The following ZMAT4 variants were observed in gnomAD, a reference collection of about 807,000 sequenced individuals.
ZMAT4 encodes zinc finger matrin-type 4.
A neutral mutation model predicts 28.7 loss-of-function variants in ZMAT4; 17 were observed. That is an observed-to-expected ratio of 0.59 (90% CI 0.41 to 0.89). The LOEUF is 0.89. Ranked by LOEUF, ZMAT4 falls within the 40% of genes least tolerant of loss-of-function variation. The probability of loss-of-function intolerance (pLI) is 0.00; values close to 1 mark genes in which losing one functional copy is unlikely to be tolerated. For synonymous variants in ZMAT4, 117 were observed against 109.2 expected (o/e 1.07, Z -0.44); for missense variants, 240 against 283.8 (o/e 0.85, Z 1.11).
intron 4 of ZMAT4, among the ~76,000 whole-genome samples, chr8:40,680,261 C>A (rs965530396): frequency 6.6e-6 from 1 of 152,102 alleles, no homozygotes; most frequent in Non-Finnish European, 1.5e-5. Context: ...GCATCCAAAC[C>A]CTAACTCCAG....
chr8:40,808,859 A>AAC (rs1471731641), intron 2 of ZMAT4, among the ~76,000 whole-genome samples: 1 of 151,962 alleles, frequency 6.6e-6, no homozygotes, highest in Non-Finnish European at 1.5e-5. Flanking sequence ...TTAAAAAAAA[A>AAC]AAAAAACTAT....
intron 1 of ZMAT4, among the ~76,000 whole-genome samples, chr8:40,881,654 C>T (rs1818278692): frequency 6.6e-6 from 1 of 151,922 alleles, no homozygotes; most frequent in South Asian, 2.1e-4. Flanking sequence ...CTTGTCAAAG[C>T]AGCAATACTT....
chr8:40,852,144 C>A (rs1269995922), intron 1 of ZMAT4, among the ~76,000 whole-genome samples: 1 of 152,096 alleles, frequency 6.6e-6, no homozygotes, highest in Non-Finnish European at 1.5e-5. Context: ...CCTTGGCCTC[C>A]CAAAATGCTG....
chr8:40,784,634 T>C (rs1480547618), intron 2 of ZMAT4, among the ~76,000 whole-genome samples: 2 of 152,116 alleles, frequency 1.3e-5, no homozygotes, highest in East Asian at 3.9e-4. Context: ...ATAACAAACA[T>C]TTATCCAGAA....
chr8:40,840,611 G>C (rs1286924946), intron 1 of ZMAT4, among the ~76,000 whole-genome samples: 1 of 152,174 alleles, frequency 6.6e-6, no homozygotes, highest in Non-Finnish European at 1.5e-5. Flanking sequence ...GTTAGTCAGA[G>C]AGCAGATCCA....
At chr8:40,732,493 G>A (rs1220966471) in intron 3 of ZMAT4, among the ~76,000 whole-genome samples, 1 of 152,254 alleles carries the variant, frequency 6.6e-6, no homozygotes, top group African/African-American at 2.4e-5. Flanking sequence ...GCAGTGAGCA[G>A]GGCCCAAGCC....
chr8:40,739,891 C>T (rs1301244899), intron 3 of ZMAT4, among the ~76,000 whole-genome samples: 4 of 152,234 alleles, frequency 2.6e-5, no homozygotes, highest in Admixed American at 6.5e-5. Flanking sequence ...TGAGAACATG[C>T]GGTGTTTGGT....
chr8:40,615,898 A>C (rs962055300), intron 5 of ZMAT4, among the ~76,000 whole-genome samples: 1 of 152,174 alleles, frequency 6.6e-6, no homozygotes, highest in Non-Finnish European at 1.5e-5. Flanking sequence ...GATCTAATTA[A>C]ACTAAAGAGC....
At chr8:40,613,856 C>G (rs1193853810) in intron 5 of ZMAT4, among the ~76,000 whole-genome samples, 2 of 152,304 alleles carry the variant, frequency 1.3e-5, no homozygotes, top group African/African-American at 4.8e-5. Context: ...ATGACTCAAG[C>G]TGGAAGTGTG....
chr8:40,753,076 G>A (rs1382615292), intron 3 of ZMAT4, among the ~76,000 whole-genome samples: 11 of 1,242 alleles, frequency 8.9e-3, no homozygotes, highest in African/African-American at 0.014. Flanking sequence ...CCCGGTGTGT[G>A]GTGTGTGACT....
intron 6 of ZMAT4, among the ~76,000 whole-genome samples, chr8:40,536,580 G>A (rs1337376395): frequency 6.6e-6 from 1 of 152,102 alleles, no homozygotes; most frequent in Non-Finnish European, 1.5e-5. Context: ...ATCAGGTGAG[G>A]CTCCTCTACG....
intron 5 of ZMAT4, among the ~76,000 whole-genome samples, chr8:40,621,393 T>C (rs907023615): frequency 3.9e-5 from 6 of 152,144 alleles, no homozygotes; most frequent in Non-Finnish European, 7.4e-5. Context: ...AGGAAATGAC[T>C]GAGAGTAGGA....
chr8:40,601,616 AAGAAAGAAAGAAAGAAAGAG>A (rs1563360654), intron 5 of ZMAT4, among the ~76,000 whole-genome samples: 2 of 27,064 alleles, frequency 7.4e-5, no homozygotes, highest in Non-Finnish European at 2.0e-4. Flanking sequence ...GAAAGAAAGA[AAGAAAGAAAGAAAGAAAGAG>A]AAAGAAAGAA....
intron 3 of ZMAT4, among the ~76,000 whole-genome samples, chr8:40,710,457 T>C (rs1810559499): frequency 6.6e-6 from 1 of 152,152 alleles, no homozygotes; most frequent in African/African-American, 2.4e-5. Context: ...GAAGTGTTAG[T>C]ATAAACCCTT....
chr8:40,690,083 C>T (rs2150487496), intron 4 of ZMAT4, among the ~76,000 whole-genome samples: 1 of 152,186 alleles, frequency 6.6e-6, no homozygotes, highest in African/African-American at 2.4e-5. Context: ...TAATCATTGC[C>T]CCAAGCTTGC....
intron 1 of ZMAT4, among the ~76,000 whole-genome samples, chr8:40,871,539 C>G (rs141036516): frequency 2.0e-5 from 3 of 152,322 alleles, no homozygotes; most frequent in African/African-American, 7.2e-5. Context: ...CTCCACTGAG[C>G]TGCAGAGAAG....
chr8:40,840,945 T>A (rs1816678351), intron 1 of ZMAT4, among the ~76,000 whole-genome samples: 1 of 152,168 alleles, frequency 6.6e-6, no homozygotes, highest in South Asian at 2.1e-4. Flanking sequence ...CACACAGCCA[T>A]TCCTAATGAG....
chr8:40,658,657 C>G (rs1025222433), intron 5 of ZMAT4, among the ~76,000 whole-genome samples: 1 of 150,266 alleles, frequency 6.7e-6, no homozygotes, highest in East Asian at 2.0e-4. Flanking sequence ...CACACACACA[C>G]ACACACAAAC....
In ZMAT4 at chr8:40,818,024, G is replaced by C. The variant is rs141578061; in HGVS notation, c.102+7551C>G. Among the ~76,000 whole-genome samples the C allele has an allele frequency of 4.6e-3, 704 of 152,314 alleles. 5 individuals are homozygous for C. The highest frequency in any genetic ancestry group is 5.7e-3 in the Non-Finnish European group (389 of 68,036). On this transcript the variant is annotated intron_variant, in intron 2 of 6. Coordinates refer to ENST00000297737, the MANE Select transcript of ZMAT4 (RefSeq NM_024645.3). ...GACATCAACGGCTGTCTGCAAATGA[G>C]AACTCAGGCTACAGAGCATACCCTA...
Sources: allele counts gnomAD v4.1 joint callset (sites outside exome capture counted in the v4.1 genomes callset), GRCh38; gene constraint gnomAD v4.1.1; transcripts MANE v1.5; gene names NCBI Gene and HGNC (gene_info 2026-07-23, HGNC 2026-07-21).